Variants in RTF2 observed in about 807,000 individuals in gnomAD.
RTF2 encodes the protein UPF0549 protein C20orf43.
RTF2 carries 18 observed loss-of-function variants against 38.0 expected under a neutral mutation model. The ratio of observed to expected loss-of-function variants is 0.47; its 90% CI spans 0.33 to 0.70. The LOEUF (loss-of-function observed/expected upper bound fraction) is 0.70. Among genes scored for constraint, RTF2 ranks in the 30% least tolerant of loss-of-function variants. The pLI is 0.02. For missense variants in RTF2, 311 were observed against 379.6 expected (o/e 0.82, Z 1.50); for synonymous variants, 126 against 137.1 (o/e 0.92, Z 0.57).
chr20:56,472,306 T>A (rs540415524), intron 1 of RTF2: 337 of 1,319,942 alleles, frequency 2.6e-4, no homozygotes, highest in Non-Finnish European at 3.5e-4. Flanking sequence ...CCAAATGTGC[T>A]GTCCTGTTAA....
chr20:56,496,409 A>AT (rs1483286673), intron 5 of RTF2, among the ~76,000 whole-genome samples: 1 of 152,134 alleles, frequency 6.6e-6, no homozygotes, highest in African/African-American at 2.4e-5. Flanking sequence ...TTAGCTGGGC[A>AT]TGGTGGTGGG....
chr20:56,503,671 G>A (rs1984072204), intron 5 of RTF2, among the ~76,000 whole-genome samples: 1 of 152,122 alleles, frequency 6.6e-6, no homozygotes, highest in Non-Finnish European at 1.5e-5. Context: ...ACTTCAAAAA[G>A]TATACCTGTG....
intron 5 of RTF2, among the ~76,000 whole-genome samples, chr20:56,501,648 T>G (rs2057177689): frequency 6.6e-6 from 1 of 152,106 alleles, no homozygotes; most frequent in Admixed American, 6.6e-5. Context: ...TTCTAAAATT[T>G]GGGGGTTAGC....
intron 5 of RTF2, among the ~76,000 whole-genome samples, chr20:56,506,873 T>A (rs35993723): frequency 0.19 from 28,360 of 152,042 alleles, 3,484 homozygotes; most frequent in Non-Finnish European, 0.27. Flanking sequence ...ACTAATTTTT[T>A]GTATTTTTAG....
chr20:56,513,507 G>C, intron 6 of RTF2, 79 bp downstream of exon 6: 11 of 1,527,802 alleles, frequency 7.2e-6, no homozygotes, highest in Non-Finnish European at 9.7e-6. Context: ...TGAGCTGGCA[G>C]CTGCTTAGGG....
At chr20:56,484,714 C>T (rs772734316) in intron 5 of RTF2, among the ~76,000 whole-genome samples, 1 of 152,210 alleles carries the variant, frequency 6.6e-6, no homozygotes, top group African/African-American at 2.4e-5. Context: ...GCATGGGTGG[C>T]GAGTAACTAG....
chr20:56,512,460 G>GGATC (rs1286447873), intron 5 of RTF2, among the ~76,000 whole-genome samples: 53 of 152,130 alleles, frequency 3.5e-4, no homozygotes, highest in Non-Finnish European at 7.2e-4. Context: ...TCCCACCAGT[G>GGATC]ACAGCATGGT....
chr20:56,468,628 C>T lies in RTF2; in HGVS notation c.-70C>T. On this transcript the variant is annotated 5_prime_UTR_variant, in exon 1 of 9. Coordinates refer to ENST00000357348, the MANE Select transcript of RTF2 (RefSeq NM_016407.5). ...CACGGCGGTGCGCCGGAAGTGGCTG[C>T]GGATTTCGCCGGAAATCCCGGAAGT... 2 of 1,416,748 alleles carry T rather than the reference C, an allele frequency of 1.4e-6. No homozygotes were observed. The highest frequency in any genetic ancestry group is 2.0e-5 in the Admixed American group (1 of 50,228). The allele number at this position is 1,416,748 out of a possible 1,614,324, so 87.8% of individuals were successfully genotyped here. A position where few individuals can be genotyped will look rare whatever the true frequency, so the allele number is the denominator to read the frequency against.
chr20:56,510,288 C>T (rs1315311745), intron 5 of RTF2, among the ~76,000 whole-genome samples: 1 of 152,122 alleles, frequency 6.6e-6, no homozygotes, highest in East Asian at 1.9e-4. Flanking sequence ...AGCAAATGCA[C>T]GTGGTGCTGA....
At chr20:56,471,460 C>T (rs1418350526) in intron 1 of RTF2, among the ~76,000 whole-genome samples, 3 of 151,812 alleles carry the variant, frequency 2.0e-5, no homozygotes, top group East Asian at 3.9e-4. Flanking sequence ...CCCAGCTACT[C>T]GGGAGGCTGA....
chr20:56,518,338 G>A lies in RTF2; in HGVS notation c.*73G>A. The A allele has an allele frequency of 7.1e-7, 1 of 1,412,354 alleles. No homozygotes were observed. Among genetic ancestry groups the A allele is most frequent in the South Asian group, 1.3e-5 (1 of 76,970 alleles). The allele number at this position is 1,412,354 out of a possible 1,614,324, so 87.5% of individuals were successfully genotyped here. A position where few individuals can be genotyped will look rare whatever the true frequency, so the allele number is the denominator to read the frequency against. ...CGTAGGCAGGTCGCTTTGTGCCTCT[G>A]AGTGCGCTGCTGTGTGTTCTCTCTA... is the stretch of plus-strand genomic sequence containing the variant. On this transcript the variant is annotated 3_prime_UTR_variant, in exon 9 of 9. Transcript: ENST00000357348.
chr20:56,515,478 G>A (rs1042527333), intron 6 of RTF2, among the ~76,000 whole-genome samples: 3 of 151,856 alleles, frequency 2.0e-5, no homozygotes, highest in East Asian at 1.9e-4. Flanking sequence ...AGGCTGAGGC[G>A]GAAGAATTGG....
Position 56,518,210 on chromosome 20 carries a change from A to T in RTF2, c.866A>T (p.Lys289Met). 1 of 1,614,166 alleles carries T rather than the reference A, an allele frequency of 6.2e-7. No homozygotes were observed. Among genetic ancestry groups the T allele is most frequent in the Non-Finnish European group, 8.5e-7 (1 of 1,180,006 alleles). ...KSLFTTHSSA[K>M]RSKEESAHWV... is the part of the protein sequence containing the mutation. Reference sequence around the variant, plus strand: ...CTCTTTACCACTCACAGCTCCGCCAAGCGCTCCAAGGAGGAGTCTGCCCAC... The same window carrying T: ...CTCTTTACCACTCACAGCTCCGCCATGCGCTCCAAGGAGGAGTCTGCCCAC... Residue 289 changes from lysine (K) to methionine (M), a missense_variant, in exon 9 of 9, where the codon AAG (lysine) becomes ATG (methionine). Lys to Met is a moderately conservative substitution (Grantham distance 95). Transcript: ENST00000357348.
intron 8 of RTF2, 156 bp from the exon 9 acceptor site, chr20:56,517,931 G>A: frequency 5.3e-6 from 1 of 190,080 alleles, no homozygotes; most frequent in Non-Finnish European, 9.7e-6. Flanking sequence ...TGTCTGCTTT[G>A]CTGGAGTTGG....
At chr20:56,505,487 C>CATAAT (rs1984204902) in intron 5 of RTF2, among the ~76,000 whole-genome samples, 1 of 139,652 alleles carries the variant, frequency 7.2e-6, no homozygotes, top group Admixed American at 7.4e-5. Context: ...GATGCCATCT[C>CATAAT]ATAATAATAA....
At chr20:56,475,201 G>GT (rs934398268) in intron 3 of RTF2, among the ~76,000 whole-genome samples, 2 of 152,124 alleles carry the variant, frequency 1.3e-5, no homozygotes, top group African/African-American at 4.8e-5. Context: ...GAAAAAACAA[G>GT]TTTTTTTAAT....
At chr20:56,472,502 A>C (rs540438071) in intron 1 of RTF2, 155 of 713,684 alleles carry the variant, frequency 2.2e-4, no homozygotes, top group African/African-American at 1.9e-3. Context: ...TCCCTTAGTG[A>C]ATAAGCCCCA....
At chr20:56,494,634 G>A (rs1983390044) in intron 5 of RTF2, among the ~76,000 whole-genome samples, 1 of 152,184 alleles carries the variant, frequency 6.6e-6, no homozygotes. Flanking sequence ...CTAGAAAATT[G>A]TTCCAGCTCT....
chr20:56,496,638 C>A, intron 5 of RTF2: 1 of 1,485,696 alleles, frequency 6.7e-7, no homozygotes, highest in Non-Finnish European at 9.0e-7. Flanking sequence ...GTCTTTCTTA[C>A]CTTTTAGTCG....
Sources: gnomAD v4.1 joint callset for allele counts (sites outside exome capture counted in the v4.1 genomes callset) on GRCh38, gnomAD v4.1.1 for gene constraint, MANE v1.5 for transcripts, NCBI Gene and HGNC (gene_info 2026-07-23, HGNC 2026-07-21) for gene names.